PTPRO: variants seen among roughly 807,000 people sequenced by gnomAD.
PTPRO encodes the protein protein tyrosine phosphatase receptor type O.
Under a neutral mutation model 145.2 loss-of-function variants are expected in PTPRO, and 62 were observed. The ratio of observed to expected loss-of-function variants is 0.43; its 90% CI spans 0.35 to 0.53. The LOEUF is 0.53. Among genes scored for constraint, PTPRO ranks in the 20% least tolerant of loss-of-function variants. The pLI is 0.01. For missense variants in PTPRO, 1,345 were observed against 1,482.7 expected (o/e 0.91, Z 1.53); for synonymous variants, 565 against 514.7 (o/e 1.10, Z -1.32).
chr12:15,370,500 A>C (rs961604418), intron 1 of PTPRO, among the ~76,000 whole-genome samples: 1 of 152,194 alleles, frequency 6.6e-6, no homozygotes, highest in Non-Finnish European at 1.5e-5. Context: ...TTCTCAAAGC[A>C]TAAGTCTAAA....
intron 19 of PTPRO, among the ~76,000 whole-genome samples, chr12:15,570,325 T>G (rs1300591733): frequency 6.6e-6 from 1 of 152,046 alleles, no homozygotes; most frequent in Non-Finnish European, 1.5e-5. Context: ...TTCTGTAGTT[T>G]TTTTTTTTTA....
chr12:15,322,585 G>A lies in PTPRO; in HGVS notation c.-142G>A, dbSNP rs544374940. ...GAGGAGGAAAGGGAGCAGGCGCAGG[G>A]GGACTGGAAAGGCAGCATGCGCTCG... On this transcript the variant is annotated 5_prime_UTR_variant, in exon 1 of 27. Coordinates refer to ENST00000281171, the MANE Select transcript of PTPRO (RefSeq NM_030667.3). The surrounding 1 kb of genome is among the most constrained non-coding windows in gnomAD (Gnocchi z 6.3). The A allele has an allele frequency of 9.1e-4, 657 of 725,726 alleles. 1 individual carries two copies. The highest frequency in any genetic ancestry group is 5.7e-3 in the South Asian group (377 of 66,576). 45.0% of individuals were successfully genotyped at this position (725,726 alleles called of 1,614,324 possible).
chr12:15,481,720 G>A (rs949693059), intron 1 of PTPRO, among the ~76,000 whole-genome samples: 1 of 152,128 alleles, frequency 6.6e-6, no homozygotes, highest in South Asian at 2.1e-4. Flanking sequence ...AATTAAATTT[G>A]TTTATGCCAG....
chr12:15,338,060 C>T (rs1386006273), intron 1 of PTPRO, among the ~76,000 whole-genome samples: 6 of 152,180 alleles, frequency 3.9e-5, no homozygotes, highest in East Asian at 1.9e-4. Flanking sequence ...ACATATGTAA[C>T]TGGTGAAATC....
intron 1 of PTPRO, among the ~76,000 whole-genome samples, chr12:15,443,734 G>T (rs1403152061): frequency 6.6e-6 from 1 of 151,860 alleles, no homozygotes; most frequent in Admixed American, 6.6e-5. Context: ...AACATGAAAA[G>T]ATGCTCATCA....
chr12:15,538,277 G>C (rs989260947), intron 12 of PTPRO, among the ~76,000 whole-genome samples: 1 of 151,202 alleles, frequency 6.6e-6, no homozygotes, highest in African/African-American at 2.4e-5. Context: ...CTGTCATCCA[G>C]GCTGGAGTGC....
chr12:15,440,103 A>C (rs1353467820), intron 1 of PTPRO: 25 of 632,026 alleles, frequency 4.0e-5, no homozygotes, highest in Non-Finnish European at 1.1e-5. Context: ...GTGCTGGTGC[A>C]CCTCATCCCT....
intron 1 of PTPRO, among the ~76,000 whole-genome samples, chr12:15,397,266 A>G (rs1329159037): frequency 1.3e-5 from 2 of 152,236 alleles, no homozygotes; most frequent in Non-Finnish European, 2.9e-5. Context: ...GAAGAACAGA[A>G]ATAAGCTTTC....
At chr12:15,583,868 G>A (rs1157282853) in intron 23 of PTPRO, among the ~76,000 whole-genome samples, 1 of 152,206 alleles carries the variant, frequency 6.6e-6, no homozygotes, top group East Asian at 1.9e-4. Context: ...TTAACTGGCA[G>A]TTAACAATGT....
At chr12:15,463,691 C>T (rs1419069890) in intron 1 of PTPRO, among the ~76,000 whole-genome samples, 1 of 152,140 alleles carries the variant, frequency 6.6e-6, no homozygotes, top group East Asian at 1.9e-4. Context: ...TGTTGATATT[C>T]TTTCTCTCCA....
At chr12:15,467,226 G>A (rs1442866280) in intron 1 of PTPRO, among the ~76,000 whole-genome samples, 2 of 151,998 alleles carry the variant, frequency 1.3e-5, no homozygotes, top group Non-Finnish European at 2.9e-5. Context: ...CCAAATATTA[G>A]GTCCAAACCT....
At chr12:15,557,032 G>GTTTTTTTTTTTTTTT (rs552264784) in intron 15 of PTPRO, among the ~76,000 whole-genome samples, 2 of 139,932 alleles carry the variant, frequency 1.4e-5, no homozygotes, top group Admixed American at 7.1e-5. Context: ...CTTTTATTTT[G>GTTTTTTTTTTTTTTT]TTTTTTTTTT....
intron 1 of PTPRO, among the ~76,000 whole-genome samples, chr12:15,453,301 A>G (rs1286593127): frequency 6.6e-6 from 1 of 152,068 alleles, no homozygotes; most frequent in African/African-American, 2.4e-5. Context: ...CATGGGTGAC[A>G]GAGTGAGATT....
chr12:15,500,704 C>A (rs1942203030), intron 4 of PTPRO, among the ~76,000 whole-genome samples: 3 of 152,060 alleles, frequency 2.0e-5, no homozygotes, highest in Non-Finnish European at 4.4e-5. Flanking sequence ...GGTGGATCAC[C>A]TGAGGTCAGG....
At chr12:15,527,325 C>T (rs955385114) in intron 12 of PTPRO, among the ~76,000 whole-genome samples, 1 of 152,222 alleles carries the variant, frequency 6.6e-6, no homozygotes, top group Non-Finnish European at 1.5e-5. Context: ...TGTTTCTACA[C>T]TGGAAAAAGT....
chr12:15,392,720 C>CAAAAAAAAAAAAAAAAAAAAA (rs1177789187), intron 1 of PTPRO, among the ~76,000 whole-genome samples: 6 of 66,676 alleles, frequency 9.0e-5, no homozygotes, highest in Admixed American at 1.9e-4. Context: ...GACCCTGTCT[C>CAAAAAAAAAAAAAAAAAAAAA]AAAAAAAAAA....
At chr12:15,533,535 G>A (rs1388827041) in intron 12 of PTPRO, among the ~76,000 whole-genome samples, 1 of 152,090 alleles carries the variant, frequency 6.6e-6, no homozygotes, top group Non-Finnish European at 1.5e-5. Flanking sequence ...AATTGAAATT[G>A]CGGACCTCAA....
intron 1 of PTPRO, among the ~76,000 whole-genome samples, chr12:15,414,146 A>G (rs1172097796): frequency 6.6e-6 from 1 of 152,260 alleles, no homozygotes; most frequent in Admixed American, 6.5e-5. Flanking sequence ...ACTGATACCC[A>G]GAAGTAATTT....
intron 1 of PTPRO, among the ~76,000 whole-genome samples, chr12:15,446,045 C>T (rs11056492): frequency 0.086 from 13,071 of 152,036 alleles, 1,601 homozygotes; most frequent in African/African-American, 0.27. Flanking sequence ...AAACAGTGAA[C>T]CACTCATTAC....
Sources: gnomAD v4.1 joint callset for allele counts (sites outside exome capture counted in the v4.1 genomes callset) on GRCh38, gnomAD v4.1.1 for gene constraint, Gnocchi (gnomAD v3.1) non-coding constraint, MANE v1.5 for transcripts, NCBI Gene and HGNC (gene_info 2026-07-23, HGNC 2026-07-21) for gene names.